NCAPH: variants seen among roughly 807,000 people sequenced by gnomAD.
NCAPH encodes non-SMC condensin I complex subunit H.
A neutral mutation model predicts 85.5 loss-of-function variants in NCAPH; 38 were observed. That is an observed-to-expected ratio of 0.44 (90% CI 0.34 to 0.58). NCAPH has a LOEUF of 0.58. NCAPH is among the 20% of genes least tolerant of loss of function. The pLI is 0.01. For missense variants in NCAPH, 789 were observed against 916.6 expected (o/e 0.86, Z 1.80); for synonymous variants, 301 against 335.1 (o/e 0.90, Z 1.11).
In NCAPH at chr2:96,335,774, G is replaced by C; in HGVS notation, c.-56G>C. The C allele has an allele frequency of 6.8e-7, 1 of 1,462,298 alleles. No homozygotes were observed. Among genetic ancestry groups the C allele is most frequent in the Non-Finnish European group, 9.0e-7 (1 of 1,107,042 alleles). The allele number at this position is 1,462,298 out of a possible 1,614,324, so 90.6% of individuals were successfully genotyped here. The stretch of plus-strand genomic sequence containing the variant: ...GGCGACGTCACGCGGCCGTTACGGC[G>C]CTCAGGCGTCTCGACGCGCGCGATT... On this transcript the variant is annotated 5_prime_UTR_variant, in exon 1 of 18. Transcript: ENST00000240423.
At chr2:96,345,517 G>C (rs988875699) in intron 6 of NCAPH, among the ~76,000 whole-genome samples, 9 of 152,194 alleles carry the variant, frequency 5.9e-5, no homozygotes, top group Non-Finnish European at 1.0e-4. Context: ...CATGCAACCT[G>C]CAGAAAGGAG....
chr2:96,372,846 A>G (rs895326122), intron 17 of NCAPH, among the ~76,000 whole-genome samples: 1 of 152,236 alleles, frequency 6.6e-6, no homozygotes, highest in Admixed American at 6.5e-5. Context: ...ATATTTGTGT[A>G]TACATATATA....
rs2064713060 is a variant in NCAPH at position 96,367,270 on chromosome 2, A to G, written c.1895A>G (p.Glu632Gly). The change falls in exon 15 of 18, where the codon GAA becomes GGA. Residue 632 changes from glutamate (E) to glycine (G), a missense_variant. Transcript: ENST00000240423. ...TACCTATTTCAGGTAAATAAAATTG[A>G]AATTCACTATGCCAAGACTGCCAAA... is the stretch of plus-strand genomic sequence containing the variant. Reference protein sequence around the residue: ...VAEPQKVNKIEIHYAKTAKKM... With the variant: ...VAEPQKVNKIGIHYAKTAKKM... The G allele has an allele frequency of 1.2e-6, 2 of 1,611,574 alleles. No individual in the cohort carries two copies.
chr2:96,341,928 A>C (rs1212024774), intron 2 of NCAPH, 34 bp downstream of exon 2: 1 of 1,604,936 alleles, frequency 6.2e-7, no homozygotes, highest in African/African-American at 1.3e-5. Flanking sequence ...TCCTTGAGGC[A>C]GCCGCCTTGA....
intron 10 of NCAPH, 73 bp from the exon 11 acceptor site, chr2:96,360,070 A>G: frequency 1.2e-6 from 1 of 867,678 alleles, no homozygotes; most frequent in Non-Finnish European, 1.9e-6. Context: ...TAAGGCTGTC[A>G]GCAGATCTTG....
intron 12 of NCAPH, among the ~76,000 whole-genome samples, chr2:96,361,438 C>T (rs535297052): frequency 2.0e-5 from 3 of 152,044 alleles, no homozygotes; most frequent in Admixed American, 1.3e-4. Flanking sequence ...CAAGTCGAAG[C>T]GAGCCCAAGG....
intron 9 of NCAPH, among the ~76,000 whole-genome samples, chr2:96,358,801 C>G (rs2064564315): frequency 6.6e-6 from 1 of 152,112 alleles, no homozygotes; most frequent in African/African-American, 2.4e-5. Flanking sequence ...CATCTTGTCT[C>G]TCAAATTAGG....
chr2:96,356,187 A>C (rs1366870261), intron 9 of NCAPH, among the ~76,000 whole-genome samples: 1 of 152,120 alleles, frequency 6.6e-6, no homozygotes, highest in East Asian at 1.9e-4. Context: ...TATCCTACCT[A>C]GTACATTAGG....
At chr2:96,353,803 C>A (rs1473374773) in intron 8 of NCAPH, among the ~76,000 whole-genome samples, 1 of 152,144 alleles carries the variant, frequency 6.6e-6, no homozygotes, top group Non-Finnish European at 1.5e-5. Context: ...GAGAAATTGT[C>A]ATGTGTAGAG....
intron 17 of NCAPH, among the ~76,000 whole-genome samples, chr2:96,372,999 A>G (rs942001541): frequency 5.9e-5 from 9 of 152,112 alleles, no homozygotes; most frequent in Non-Finnish European, 5.9e-5. Flanking sequence ...ATCTGCCTCC[A>G]TTAGCATCTT....
chr2:96,369,259 T>C (rs1258920648), intron 16 of NCAPH, among the ~76,000 whole-genome samples, 166 bp from the exon 17 acceptor site: 1 of 152,352 alleles, frequency 6.6e-6, no homozygotes, highest in South Asian at 2.1e-4. Context: ...TAACAGGAGA[T>C]ATTTTATCTC....
chr2:96,353,272 T>C (rs1486920129), intron 7 of NCAPH, 34 bp from the exon 8 acceptor site: 17 of 1,583,430 alleles, frequency 1.1e-5, no homozygotes, highest in Non-Finnish European at 1.5e-5. Flanking sequence ...GACCCCCTTC[T>C]AATCTCTCTT....
At chr2:96,367,002 T>C (rs1260210988) in intron 14 of NCAPH, among the ~76,000 whole-genome samples, 3 of 151,200 alleles carry the variant, frequency 2.0e-5, no homozygotes, top group Non-Finnish European at 2.9e-5. Context: ...AGGCTGAGGC[T>C]GGAGAATCGC....
intron 6 of NCAPH, among the ~76,000 whole-genome samples, chr2:96,345,953 G>A (rs2064355811): frequency 6.6e-6 from 1 of 152,134 alleles, no homozygotes; most frequent in African/African-American, 2.4e-5. Flanking sequence ...GCAGAGTACT[G>A]GGATAGCAAA....
rs192197368 is a variant in NCAPH, at chr2:96,344,467, T to A, written c.720+238T>A. On this transcript the variant is annotated intron_variant, in intron 6 of 17. Transcript: ENST00000240423. ...GACTGCAAATTGCTGAGAAATCTAA[T>A]TGATAAAAAATTAATTTTATTTCCT... is the stretch of plus-strand genomic sequence containing the variant. Among the ~76,000 whole-genome samples the A allele has an allele frequency of 6.6e-5, 10 of 152,380 alleles. No individual in the cohort carries two copies. The East Asian group carries it at 1.7e-3, about 26-fold the overall frequency.
chr2:96,343,219 T>C lies in NCAPH; in HGVS notation c.510T>C (p.Asp170=). Residue 170 remains aspartate (D), a synonymous_variant, in exon 5 of 18, where the codon GAT becomes GAC. Coordinates refer to ENST00000240423, the MANE Select transcript of NCAPH (RefSeq NM_015341.5). The stretch of plus-strand genomic sequence containing the variant: ...CCAAGATCTATGCTGTGCGCGTGGA[T>C]GCCGTCCATGCCGATGTATACAGAG... ...ASTKIYAVRV[D]AVHADVYRVL... The C allele has an allele frequency of 6.2e-7, 1 of 1,614,206 alleles. No homozygotes were observed. Among genetic ancestry groups the C allele is most frequent in the Non-Finnish European group, 8.5e-7 (1 of 1,180,046 alleles).
intron 1 of NCAPH, among the ~76,000 whole-genome samples, chr2:96,340,500 C>T (rs1402100191): frequency 6.9e-6 from 1 of 144,040 alleles, no homozygotes; most frequent in Non-Finnish European, 1.5e-5. Context: ...AAGCGATTAT[C>T]TTGCCTCAGC....
chr2:96,360,375 C>T (rs1309916163), intron 11 of NCAPH, 126 bp downstream of exon 11: 4 of 790,312 alleles, frequency 5.1e-6, no homozygotes, highest in East Asian at 2.7e-5. Flanking sequence ...GTTCCTTAAA[C>T]GCACTATTAA....
intron 10 of NCAPH, chr2:96,359,480 T>C (rs2104471096): frequency 2.5e-6 from 1 of 402,726 alleles, no homozygotes. Flanking sequence ...CACTCAGTGG[T>C]CACGGGTGGG....
Sources: allele counts gnomAD v4.1 joint callset (sites outside exome capture counted in the v4.1 genomes callset), GRCh38; gene constraint gnomAD v4.1.1; transcripts MANE v1.5; gene names NCBI Gene and HGNC (gene_info 2026-07-23, HGNC 2026-07-21).